EVI5: variants seen among roughly 807,000 people sequenced by gnomAD.
EVI5 encodes the protein ecotropic viral integration site 5, also known as ecotropic viral integration site 5 protein homolog.
Under a neutral mutation model 112.0 loss-of-function variants are expected in EVI5, and 73 were observed. That is an observed-to-expected ratio of 0.65 (90% CI 0.54 to 0.79). EVI5 has a LOEUF of 0.79. EVI5 is among the 30% of genes least tolerant of loss of function. The probability of loss-of-function intolerance (pLI) is 0.00; values close to 1 mark genes in which losing one functional copy is unlikely to be tolerated. For missense variants in EVI5, 900 were observed against 968.8 expected, an observed-to-expected ratio of 0.93 and a Z score of 0.94; for synonymous variants, 305 against 319.9, an observed-to-expected ratio of 0.95 and a Z score of 0.50.
chr1:92,748,611 T>C (rs1380072269), intron 1 of EVI5, among the ~76,000 whole-genome samples: 2 of 152,156 alleles, frequency 1.3e-5, no homozygotes, highest in African/African-American at 2.4e-5. Context: ...TAACAGTGCT[T>C]GAAATAAAAC....
intron 1 of EVI5, among the ~76,000 whole-genome samples, chr1:92,768,227 G>GA (rs930318407): frequency 2.6e-5 from 4 of 152,002 alleles, no homozygotes; most frequent in Admixed American, 1.3e-4. Context: ...CTAGGTTACA[G>GA]AAAAAATCAG....
At chr1:92,616,037 A>G (rs1653050342) in intron 16 of EVI5, among the ~76,000 whole-genome samples, 1 of 152,234 alleles carries the variant, frequency 6.6e-6, no homozygotes, top group Admixed American at 6.5e-5. Flanking sequence ...AAAGGTTCTA[A>G]TAGTTTATTT....
chr1:92,734,345 A>AT (rs754691054), intron 2 of EVI5, among the ~76,000 whole-genome samples: 28 of 152,240 alleles, frequency 1.8e-4, no homozygotes, highest in Non-Finnish European at 3.8e-4. Flanking sequence ...CCGTGTATAA[A>AT]TACCAAAGCA....
intron 17 of EVI5, among the ~76,000 whole-genome samples, chr1:92,606,910 ACACACACACACACC>A (rs1217329189): frequency 1.1e-4 from 11 of 100,544 alleles, no homozygotes; most frequent in Non-Finnish European, 1.9e-4. Flanking sequence ...ACACACACAC[ACACACACACACACC>A]CCCCCAAACC....
chr1:92,633,747 C>T lies in EVI5; in HGVS notation c.1527+2455G>A, dbSNP rs148120186. Among the ~76,000 whole-genome samples the T allele has an allele frequency of 1.9e-3, 287 of 152,220 alleles. 1 individual carries two copies. The highest frequency in any genetic ancestry group is 6.8e-3 in the Middle Eastern group (2 of 294). On this transcript the variant is annotated intron_variant, in intron 14 of 19. Transcript: ENST00000684568. ...TAGCTGATAACGAGCATATTTTGCT[C>T]GTTAGTGGAAGCAGTTTCTTCCTAG...
At chr1:92,598,502 T>G (rs943876881) in intron 18 of EVI5, among the ~76,000 whole-genome samples, 1 of 152,058 alleles carries the variant, frequency 6.6e-6, no homozygotes, top group African/African-American at 2.4e-5. Flanking sequence ...AAGGTAAAAA[T>G]TTGGCCAAAG....
intron 10 of EVI5, among the ~76,000 whole-genome samples, chr1:92,667,146 G>C (rs547066818): frequency 6.6e-6 from 1 of 152,266 alleles, no homozygotes; most frequent in East Asian, 1.9e-4. Flanking sequence ...TTAGCTGGGC[G>C]TAGTGGCATG....
In EVI5 at chr1:92,697,911, T is replaced by C. The variant is rs143324485; in HGVS notation, c.714A>G (p.Pro238=). ...QDYRLRELFK[P]SMAELGLCMY... ...TACAAAGGCCCAATTCTGCCATACT[T>C]GGTTTAAAAAGTTCACGAAGTCTAT... Residue 238 remains proline, a synonymous_variant, in exon 6 of 20, where the codon CCA becomes CCG. Transcript: ENST00000684568. 114 of 1,613,236 alleles carry C rather than the reference T, an allele frequency of 7.1e-5. No homozygotes were observed. The East Asian group carries it at 2.3e-3, about 32-fold the overall frequency.
At chr1:92,747,425 A>C (rs1468972903) in intron 1 of EVI5, among the ~76,000 whole-genome samples, 1 of 152,094 alleles carries the variant, frequency 6.6e-6, no homozygotes, top group African/African-American at 2.4e-5. Context: ...TTAAAACAAC[A>C]GAAATAAGCC....
chr1:92,640,632 A>C (rs1659759774), intron 13 of EVI5, among the ~76,000 whole-genome samples: 1 of 152,220 alleles, frequency 6.6e-6, no homozygotes, highest in Non-Finnish European at 1.5e-5. Flanking sequence ...GCGGACAGAT[A>C]GGAATGCTTT....
chr1:92,789,627 T>G (rs764680134), upstream of EVI5, among the ~76,000 whole-genome samples: 8 of 152,156 alleles, frequency 5.3e-5, no homozygotes, highest in Non-Finnish European at 1.0e-4. Flanking sequence ...TTGCGGTAAA[T>G]TCAGTGAGCA....
chr1:92,602,576 A>T (rs76150847), intron 18 of EVI5, among the ~76,000 whole-genome samples: 8,996 of 152,156 alleles, frequency 0.059, 364 homozygotes, highest in East Asian at 0.11. Flanking sequence ...GCTAATTTTT[A>T]AAAATTGTTT....
intron 19 of EVI5, among the ~76,000 whole-genome samples, chr1:92,542,279 T>G (rs1298751317): frequency 6.6e-6 from 1 of 152,176 alleles, no homozygotes; most frequent in Non-Finnish European, 1.5e-5. Context: ...TTTTTTTTTT[T>G]GCTCATCCCT....
At chr1:92,586,592 T>C (rs1265985536) in intron 18 of EVI5, among the ~76,000 whole-genome samples, 1 of 139,240 alleles carries the variant, frequency 7.2e-6, no homozygotes, top group Non-Finnish European at 1.5e-5. Flanking sequence ...ATGTAGGTTT[T>C]TTTTTTTTTT....
intron 1 of EVI5, among the ~76,000 whole-genome samples, chr1:92,746,773 T>A (rs915716634): frequency 6.6e-5 from 10 of 151,854 alleles, no homozygotes; most frequent in African/African-American, 2.4e-4. Context: ...GGCGTGTGTC[T>A]GTGATCCCAG....
chr1:92,535,784 A>G (rs1303181386), intron 19 of EVI5, among the ~76,000 whole-genome samples: 1 of 152,144 alleles, frequency 6.6e-6, no homozygotes, highest in Non-Finnish European at 1.5e-5. Flanking sequence ...GGGGAGGGAT[A>G]GCATTAGGAG....
At chr1:92,557,461 A>G (rs1667853073) in intron 19 of EVI5, among the ~76,000 whole-genome samples, 1 of 150,274 alleles carries the variant, frequency 6.7e-6, no homozygotes, top group Admixed American at 6.6e-5. Flanking sequence ...TTTTTGTATT[A>G]TTTATTTATT....
intron 16 of EVI5, among the ~76,000 whole-genome samples, chr1:92,610,666 A>G (rs956315619): frequency 1.3e-5 from 2 of 152,210 alleles, no homozygotes; most frequent in African/African-American, 4.8e-5. Context: ...ACTGAATTCA[A>G]TGAATGGGTT....
chr1:92,629,492 GTTC>G (rs1220341702), intron 14 of EVI5, among the ~76,000 whole-genome samples: 3 of 152,100 alleles, frequency 2.0e-5, no homozygotes, highest in African/African-American at 7.2e-5. Context: ...GAAACCTGAA[GTTC>G]TTCTACTCCC....
Sources: gnomAD v4.1 joint callset for allele counts (sites outside exome capture counted in the v4.1 genomes callset) on GRCh38, gnomAD v4.1.1 for gene constraint, MANE v1.5 for transcripts, NCBI Gene and HGNC (gene_info 2026-07-23, HGNC 2026-07-21) for gene names.